The following NAALADL2 variants were observed in gnomAD, a reference collection of about 807,000 sequenced individuals.
NAALADL2 encodes the protein N-acetylated alpha-linked acidic dipeptidase like 2.
In NAALADL2, 76 loss-of-function variants were observed where a neutral mutation model predicts 87.2. The observed-to-expected ratio is 0.87, with a 90% CI of 0.72 to 1.05. The LOEUF (loss-of-function observed/expected upper bound fraction) is 1.05. Among genes scored for constraint, NAALADL2 ranks in the 50% least tolerant of loss-of-function variants. NAALADL2 has a pLI of 0.00. For missense variants in NAALADL2, 1,089 were observed against 945.8 expected, an observed-to-expected ratio of 1.15 and a Z score of -1.99; for synonymous variants, 354 against 331.0, an observed-to-expected ratio of 1.07 and a Z score of -0.75.
At chr3:174,887,144 G>C (rs1273656467) in intron 1 of NAALADL2, among the ~76,000 whole-genome samples, 2 of 152,082 alleles carry the variant, frequency 1.3e-5, no homozygotes, top group Admixed American at 1.3e-4. Context: ...TTATTTTGCT[G>C]CTGTCCTAGA....
intron 1 of NAALADL2, among the ~76,000 whole-genome samples, chr3:175,006,191 A>C (rs976833852): frequency 6.6e-6 from 1 of 152,134 alleles, no homozygotes; most frequent in Non-Finnish European, 1.5e-5. Context: ...ATTTCTATGA[A>C]GCTTTCCAAG....
At chr3:174,693,579 CAT>C (rs1728774804) in intron 2 of NAALADL2, among the ~76,000 whole-genome samples, 1 of 152,056 alleles carries the variant, frequency 6.6e-6, no homozygotes. Context: ...GCTTTTGTAA[CAT>C]ATCTTTGAAT....
chr3:175,786,650 C>T lies in NAALADL2; in HGVS notation c.2190-16355C>T, dbSNP rs1475879253. On this transcript the variant is annotated intron_variant, in intron 13 of 13. Coordinates refer to ENST00000454872, the MANE Select transcript of NAALADL2 (RefSeq NM_207015.3). Reference sequence around the variant, plus strand: ...CTTCTTTGCCTTTGGTTTGAATGTCCTCTCGTAGCTCAGAGTAATTTGATC... The same window carrying T: ...CTTCTTTGCCTTTGGTTTGAATGTCTTCTCGTAGCTCAGAGTAATTTGATC... Among the ~76,000 whole-genome samples, 9 of 152,216 alleles carry T rather than the reference C, an allele frequency of 5.9e-5. No homozygotes were observed. The South Asian group carries it at 1.7e-3, about 28-fold the overall frequency.
chr3:175,275,682 A>G (rs915430069), intron 4 of NAALADL2, among the ~76,000 whole-genome samples: 27 of 152,072 alleles, frequency 1.8e-4, no homozygotes, highest in Admixed American at 6.6e-4. Context: ...TGGTGTCTTT[A>G]TGCATATTAG....
intron 1 of NAALADL2, among the ~76,000 whole-genome samples, chr3:174,879,251 C>G (rs1257685108): frequency 6.6e-6 from 1 of 152,114 alleles, no homozygotes; most frequent in Non-Finnish European, 1.5e-5. Flanking sequence ...CTACAGACCA[C>G]AGACAGTTTT....
chr3:174,591,445 T>A (rs1717351113), intron 2 of NAALADL2, among the ~76,000 whole-genome samples: 1 of 152,188 alleles, frequency 6.6e-6, no homozygotes, highest in Non-Finnish European at 1.5e-5. Flanking sequence ...CATAATGAGT[T>A]CAGAGGGCAT....
intron 2 of NAALADL2, among the ~76,000 whole-genome samples, chr3:175,116,010 A>G (rs1361177020): frequency 2.0e-5 from 3 of 151,990 alleles, no homozygotes; most frequent in Non-Finnish European, 2.9e-5. Flanking sequence ...CTAGATGCAG[A>G]AAAGGCCTTC....
Position 175,611,426 on chromosome 3 carries a change from A to G in NAALADL2, c.1801-15865A>G, listed in dbSNP as rs528107311. ...TTTTTCCAACTTGAAATCGCCCTTC[A>G]ATTGATTCATAAATCAATTAATTAC... On this transcript the variant is annotated intron_variant, in intron 10 of 13. Coordinates refer to ENST00000454872, the MANE Select transcript of NAALADL2 (RefSeq NM_207015.3). Among the ~76,000 whole-genome samples, 32 of 152,194 alleles carry G rather than the reference A, an allele frequency of 2.1e-4. 2 individuals are homozygous for G. The South Asian group carries it at 6.0e-3, about 29-fold the overall frequency.
chr3:174,685,858 T>A (rs919695342), intron 2 of NAALADL2, among the ~76,000 whole-genome samples: 1 of 150,754 alleles, frequency 6.6e-6, no homozygotes, highest in Non-Finnish European at 1.5e-5. Context: ...TGTGTGTTGT[T>A]CCCCTCTGTG....
intron 2 of NAALADL2, among the ~76,000 whole-genome samples, chr3:174,655,739 A>T (rs1294223817): frequency 6.6e-6 from 1 of 152,216 alleles, no homozygotes; most frequent in African/African-American, 2.4e-5. Context: ...GACTTTCTTT[A>T]TATTAAAAAC....
intron 3 of NAALADL2, among the ~76,000 whole-genome samples, chr3:174,752,208 C>T (rs1198040993): frequency 1.3e-5 from 2 of 152,066 alleles, no homozygotes; most frequent in Non-Finnish European, 2.9e-5. Flanking sequence ...AATCTCCTGA[C>T]CTCATGATCC....
intron 5 of NAALADL2, among the ~76,000 whole-genome samples, chr3:175,332,539 A>C (rs1346664132): frequency 1.3e-5 from 2 of 152,156 alleles, no homozygotes; most frequent in African/African-American, 4.8e-5. Flanking sequence ...GGGCTCTAGC[A>C]GTCCTCCTGC....
intron 1 of NAALADL2, among the ~76,000 whole-genome samples, chr3:174,980,746 A>G (rs942437497): frequency 2.6e-5 from 4 of 152,176 alleles, no homozygotes; most frequent in African/African-American, 9.6e-5. Flanking sequence ...ATATATTGAT[A>G]GGGACCTATT....
chr3:175,332,130 T>C (rs1323395179), intron 5 of NAALADL2, among the ~76,000 whole-genome samples: 1 of 152,168 alleles, frequency 6.6e-6, no homozygotes. Context: ...GAATAATTAA[T>C]ATTCTTAAAA....
intron 3 of NAALADL2, among the ~76,000 whole-genome samples, chr3:174,754,466 C>CTT (rs11285494): frequency 3.7e-4 from 46 of 125,484 alleles, no homozygotes; most frequent in Non-Finnish European, 3.4e-4. Flanking sequence ...ACAGAGCTAT[C>CTT]TTTTTTTTTT....
At chr3:175,642,702 G>A (rs574122861) in intron 11 of NAALADL2, among the ~76,000 whole-genome samples, 47 of 152,074 alleles carry the variant, frequency 3.1e-4, no homozygotes, top group Admixed American at 5.2e-4. Flanking sequence ...GGGTTTCACC[G>A]TGTTAGCCAG....
At chr3:174,641,181 G>A (rs1009137870) in intron 2 of NAALADL2, among the ~76,000 whole-genome samples, 3 of 152,150 alleles carry the variant, frequency 2.0e-5, no homozygotes, top group Non-Finnish European at 4.4e-5. Flanking sequence ...AAACGGCCAG[G>A]GTCTCCACAG....
At chr3:175,416,622 T>A (rs1485194785) in intron 5 of NAALADL2, among the ~76,000 whole-genome samples, 1 of 152,186 alleles carries the variant, frequency 6.6e-6, no homozygotes, top group African/African-American at 2.4e-5. Flanking sequence ...TTACATTTAC[T>A]ACAATGCTGT....
At chr3:175,480,889 C>T (rs1344753861) in intron 9 of NAALADL2, among the ~76,000 whole-genome samples, 1 of 151,826 alleles carries the variant, frequency 6.6e-6, no homozygotes, top group Non-Finnish European at 1.5e-5. Flanking sequence ...TAACATAGCT[C>T]CTTTTATTAT....
Sources: gnomAD v4.1 joint callset for allele counts (sites outside exome capture counted in the v4.1 genomes callset) on GRCh38, gnomAD v4.1.1 for gene constraint, MANE v1.5 for transcripts, NCBI Gene and HGNC (gene_info 2026-07-23, HGNC 2026-07-21) for gene names.